The following CHCHD3 variants were observed in gnomAD, a reference collection of about 807,000 sequenced individuals.
The protein encoded by CHCHD3 is MICOS complex subunit MIC19.
A neutral mutation model predicts 38.2 loss-of-function variants in CHCHD3; 20 were observed. That is an observed-to-expected ratio of 0.52 (90% CI 0.37 to 0.76). The LOEUF is 0.76. Ranked by LOEUF, CHCHD3 falls within the 30% of genes least tolerant of loss-of-function variation. The pLI, the probability that CHCHD3 is intolerant of heterozygous loss-of-function variation, is 0.00. For missense variants in CHCHD3, 245 were observed against 279.2 expected (o/e 0.88, Z 0.87); for synonymous variants, 82 against 100.0 (o/e 0.82, Z 1.07).
intron 4 of CHCHD3, among the ~76,000 whole-genome samples, chr7:132,891,190 G>A (rs1809351328): frequency 6.6e-6 from 1 of 152,038 alleles, no homozygotes; most frequent in Non-Finnish European, 1.5e-5. Flanking sequence ...AATTACATAG[G>A]GTTCAATGAG....
chr7:132,860,451 GA>G (rs767722404), intron 5 of CHCHD3, among the ~76,000 whole-genome samples: 112 of 152,024 alleles, frequency 7.4e-4, no homozygotes, highest in Admixed American at 2.0e-3. Context: ...AGAGATACAG[GA>G]ATCATCTTTC....
chr7:132,984,686 G>T (rs1369048724), intron 3 of CHCHD3, among the ~76,000 whole-genome samples: 1 of 150,854 alleles, frequency 6.6e-6, no homozygotes, highest in Non-Finnish European at 1.5e-5. Flanking sequence ...CCCCGTCTGG[G>T]ATGTGAGGAG....
chr7:132,956,163 T>C (rs1411977235), intron 4 of CHCHD3, among the ~76,000 whole-genome samples: 1 of 152,198 alleles, frequency 6.6e-6, no homozygotes, highest in Non-Finnish European at 1.5e-5. Context: ...ACTGCAACAT[T>C]AAGGCTTCCC....
chr7:132,959,396 A>G (rs117314897), intron 4 of CHCHD3, among the ~76,000 whole-genome samples: 1,607 of 152,298 alleles, frequency 0.011, 12 homozygotes, highest in South Asian at 0.066. Flanking sequence ...TGTTTTATGT[A>G]CAGTTTCTCA....
chr7:133,040,855 A>G lies in CHCHD3; in HGVS notation c.170-16228T>C, dbSNP rs541666488. 3.9e-5 allele frequency among the ~76,000 whole-genome samples: 6 copies of G among 152,328 alleles called. No homozygotes were observed. In the South Asian group the frequency reaches 1.2e-3, roughly 32 times the overall value. On this transcript the variant is annotated intron_variant, in intron 2 of 7. Transcript: ENST00000262570. ...CCCCTATACTACCCAGCTATCCATAATAAGAGGAAATTAAAGAGTCATTAA... is the reference window on the plus strand; with the variant it reads ...CCCCTATACTACCCAGCTATCCATAGTAAGAGGAAATTAAAGAGTCATTAA...
intron 2 of CHCHD3, among the ~76,000 whole-genome samples, chr7:133,045,131 C>A (rs1813947738): frequency 6.6e-6 from 1 of 152,152 alleles, no homozygotes; most frequent in African/African-American, 2.4e-5. Context: ...CTTATGATTC[C>A]CCACCTAAGA....
intron 3 of CHCHD3, among the ~76,000 whole-genome samples, chr7:132,977,739 G>T (rs1389970753): frequency 6.6e-6 from 1 of 151,978 alleles, no homozygotes; most frequent in Non-Finnish European, 1.5e-5. Context: ...ACCACATTTG[G>T]TGTATCTAAT....
intron 4 of CHCHD3, among the ~76,000 whole-genome samples, chr7:132,892,244 T>C (rs1313836917): frequency 6.6e-6 from 1 of 152,220 alleles, no homozygotes; most frequent in Non-Finnish European, 1.5e-5. Flanking sequence ...GATAGTGATA[T>C]GGACAATGAA....
chr7:133,028,062 C>G (rs925736032), intron 2 of CHCHD3, among the ~76,000 whole-genome samples: 1 of 152,114 alleles, frequency 6.6e-6, no homozygotes, highest in Non-Finnish European at 1.5e-5. Flanking sequence ...CAACCTGACA[C>G]TAAAATTTTT....
rs73724167 is a variant in CHCHD3 at position 133,076,325 on chromosome 7, C to G, written c.81+5532G>C. ...TCCACAGACTGAGTAGTCCGTGGGT[C>G]AATTACTCAACTGTATGCAAAACTG... On this transcript the variant is annotated intron_variant, in intron 1 of 7. Transcript: ENST00000262570. Among the ~76,000 whole-genome samples, 678 of 152,146 alleles carry G rather than the reference C, an allele frequency of 4.5e-3. 3 individuals carry two copies. The highest frequency in any genetic ancestry group is 0.016 in the African/African-American group (646 of 41,478).
chr7:133,010,062 T>G lies in CHCHD3; in HGVS notation c.251+14484A>C, dbSNP rs571160618. 2.6e-5 allele frequency among the ~76,000 whole-genome samples: 4 copies of G among 152,282 alleles called. No homozygotes were observed. The South Asian group carries it at 8.3e-4, about 32-fold the overall frequency. ...CTCAACAGGAAGACATGAATCACAGTCACTTCCTAAACACTATGAAAATCT... is the reference window on the plus strand; with the variant it reads ...CTCAACAGGAAGACATGAATCACAGGCACTTCCTAAACACTATGAAAATCT... On this transcript the variant is annotated intron_variant, in intron 3 of 7. Coordinates refer to ENST00000262570, the MANE Select transcript of CHCHD3 (RefSeq NM_017812.4).
chr7:132,994,409 G>A (rs1477078822), intron 3 of CHCHD3, among the ~76,000 whole-genome samples: 1 of 152,130 alleles, frequency 6.6e-6, no homozygotes, highest in Non-Finnish European at 1.5e-5. Flanking sequence ...GTAAGTTCAA[G>A]ATTAAACTTC....
rs1291550131 is a variant in CHCHD3, at chr7:132,885,748, A to G, written c.370-3T>C. On this transcript the variant is annotated splice_polypyrimidine_tract_variant and splice_region_variant and intron_variant, in intron 4 of 7. Transcript: ENST00000262570. ...TCTTTCTCTTCCAGCTGCCTAGCCT[A>G]AAAAAAGAAATGAGGAATATACTAT... 6.2e-7 allele frequency: 1 copy of G among 1,600,802 alleles called. No individual in the cohort carries two copies. The highest frequency in any genetic ancestry group is 8.5e-7 in the Non-Finnish European group (1 of 1,174,296).
intron 4 of CHCHD3, among the ~76,000 whole-genome samples, chr7:132,967,669 A>AT (rs1811504121): frequency 1.3e-5 from 2 of 150,834 alleles, no homozygotes; most frequent in Middle Eastern, 6.9e-3. Context: ...AAATAAATAA[A>AT]ATAAAACAAA....
intron 4 of CHCHD3, among the ~76,000 whole-genome samples, chr7:132,913,242 T>C (rs1019872028): frequency 7.2e-5 from 11 of 152,136 alleles, no homozygotes; most frequent in Non-Finnish European, 1.0e-4. Flanking sequence ...CTGTGATAGG[T>C]ACTATCAATG....
chr7:132,897,544 A>T (rs1407971914), intron 4 of CHCHD3, among the ~76,000 whole-genome samples: 1 of 152,202 alleles, frequency 6.6e-6, no homozygotes, highest in Non-Finnish European at 1.5e-5. Flanking sequence ...GGAATTCTTG[A>T]AGGTCAGAAA....
At chr7:132,917,514 T>C (rs1158660351) in intron 4 of CHCHD3, among the ~76,000 whole-genome samples, 1 of 152,202 alleles carries the variant, frequency 6.6e-6, no homozygotes, top group African/African-American at 2.4e-5. Flanking sequence ...TTGTGGTTCA[T>C]TTTAATTTTT....
At chr7:132,930,118 T>C (rs943893804) in intron 4 of CHCHD3, among the ~76,000 whole-genome samples, 1 of 151,998 alleles carries the variant, frequency 6.6e-6, no homozygotes, top group Non-Finnish European at 1.5e-5. Flanking sequence ...GTAAGCTTTA[T>C]GGTGTTGCCT....
At chr7:133,055,893 G>A (rs1321898968) in intron 2 of CHCHD3, among the ~76,000 whole-genome samples, 2 of 151,966 alleles carry the variant, frequency 1.3e-5, no homozygotes, top group East Asian at 3.9e-4. Context: ...CTGTAATCAC[G>A]CCTGTGCTTT....
Sources: gnomAD v4.1 joint callset for allele counts (sites outside exome capture counted in the v4.1 genomes callset) on GRCh38, gnomAD v4.1.1 for gene constraint, MANE v1.5 for transcripts, NCBI Gene and HGNC (gene_info 2026-07-23, HGNC 2026-07-21) for gene names.